The following PLD3 variants were observed in gnomAD, a reference collection of about 807,000 sequenced individuals.
PLD3 encodes the protein 5'-3' exonuclease PLD3.
In PLD3, 31 loss-of-function variants were observed where a neutral mutation model predicts 58.4. That is an observed-to-expected ratio of 0.53 (90% confidence interval 0.40 to 0.72). The LOEUF is 0.72. Among genes scored for constraint, PLD3 ranks in the 30% least tolerant of loss-of-function variants. The pLI is 0.00. For missense variants in PLD3, 595 were observed against 659.8 expected (o/e 0.90, Z 1.08); for synonymous variants, 264 against 273.4 (o/e 0.97, Z 0.34).
chr19:40,368,389 T>C (rs1395625261), intron 6 of PLD3, among the ~76,000 whole-genome samples: 1 of 152,212 alleles, frequency 6.6e-6, no homozygotes, highest in Non-Finnish European at 1.5e-5. Flanking sequence ...AGTCAGCCTT[T>C]GTGAGTCTGC....
At chr19:40,353,797 C>T (rs1394006859) in intron 1 of PLD3, among the ~76,000 whole-genome samples, 1 of 152,102 alleles carries the variant, frequency 6.6e-6, no homozygotes, top group Non-Finnish European at 1.5e-5. Context: ...CCAGGATGGT[C>T]TCAATCTCCT....
At chr19:40,377,667 G>A in intron 11 of PLD3, 119 bp from the exon 12 acceptor site, 1 of 730,632 alleles carries the variant, frequency 1.4e-6, no homozygotes, top group Non-Finnish European at 2.4e-6. Flanking sequence ...GGCCCCCGAG[G>A]ATTCTGTGGG....
chr19:40,363,131 TACTTCAGATCTCCATGCCCC>T (rs1314656082), intron 1 of PLD3, among the ~76,000 whole-genome samples: 2 of 152,208 alleles, frequency 1.3e-5, no homozygotes, highest in African/African-American at 4.8e-5. Context: ...CCAGCCCTGT[TACTTCAGATCTCCATGCCCC>T]ACCTTGCCTT....
chr19:40,378,125 C>G lies in PLD3; in HGVS notation c.1425C>G (p.Asp475Glu). The G allele has an allele frequency of 8.1e-6, 13 of 1,613,716 alleles. No homozygotes were observed. The highest frequency in any genetic ancestry group is 9.3e-6 in the Non-Finnish European group (11 of 1,179,772). The stretch of plus-strand genomic sequence containing the variant: ...ACTGGGACTCCCCTTACAGCCATGA[C>G]CTTGACACCTCAGCTGACAGCGTGG... The part of the protein sequence containing the change: ...LRDWDSPYSH[D>E]LDTSADSVGN... Residue 475 changes from aspartate to glutamate, a missense_variant, in exon 13 of 13, where the codon GAC (aspartate) becomes GAG (glutamate). Physicochemically the swap from Asp to Glu is conservative, Grantham distance 45. Coordinates refer to ENST00000409735, the MANE Select transcript of PLD3 (RefSeq NM_012268.4).
intron 1 of PLD3, chr19:40,360,490 T>G (rs2078753297): frequency 6.7e-6 from 1 of 150,158 alleles, no homozygotes; most frequent in Admixed American, 6.7e-5. Context: ...CTCCTGCCTG[T>G]AATCCCAGCA....
intron 11 of PLD3, among the ~76,000 whole-genome samples, chr19:40,377,055 T>G (rs1364310548): frequency 7.8e-4 from 65 of 82,902 alleles, no homozygotes; most frequent in Middle Eastern, 8.9e-3. Flanking sequence ...GGGCTGGGAT[T>G]GGGAGCACAG....
At chr19:40,374,405 G>A (rs1392358163) in intron 9 of PLD3, 76 bp from the exon 10 acceptor site, 4 of 1,521,900 alleles carry the variant, frequency 2.6e-6, no homozygotes, top group African/African-American at 1.4e-5. Context: ...GGCTTGTGGT[G>A]AGCTGTCCGT....
intron 1 of PLD3, among the ~76,000 whole-genome samples, chr19:40,352,750 C>T (rs1438719800): frequency 1.3e-5 from 2 of 151,896 alleles, no homozygotes; most frequent in Admixed American, 1.3e-4. Context: ...ATCACTTGAG[C>T]CCAGCAGTTC....
intron 1 of PLD3, chr19:40,357,444 T>C (rs2078680552): frequency 1.3e-5 from 2 of 152,144 alleles, no homozygotes; most frequent in East Asian, 1.9e-4. Flanking sequence ...ATGTTTCCTG[T>C]ATGTAGGCTT....
intron 1 of PLD3, among the ~76,000 whole-genome samples, chr19:40,351,662 T>G (rs1438541754): frequency 6.6e-6 from 1 of 151,904 alleles, no homozygotes; most frequent in Non-Finnish European, 1.5e-5. Context: ...ATTTAAGGAA[T>G]AGCAAGGAGG....
At chr19:40,375,320 G>A (rs2079167281) in intron 10 of PLD3, among the ~76,000 whole-genome samples, 1 of 151,542 alleles carries the variant, frequency 6.6e-6, no homozygotes. Flanking sequence ...TTGGGTTTAG[G>A]GTAGCAAGCT....
chr19:40,358,478 C>G (rs1205692485), intron 1 of PLD3: 2 of 152,266 alleles, frequency 1.3e-5, no homozygotes, highest in Non-Finnish European at 2.9e-5. Flanking sequence ...TCTCGAACTC[C>G]TGACCTCAGG....
At chr19:40,360,836 C>A (rs1372777893) in intron 1 of PLD3, among the ~76,000 whole-genome samples, 1 of 152,128 alleles carries the variant, frequency 6.6e-6, no homozygotes, top group Non-Finnish European at 1.5e-5. Context: ...TAGGGCCCAT[C>A]CAGTTAGTCC....
At chr19:40,359,334 C>T in intron 1 of PLD3, 1 of 151,592 alleles carries the variant, frequency 6.6e-6, no homozygotes, top group Non-Finnish European at 1.5e-5. Context: ...CAGGTGTGAG[C>T]CACTGCGCCC....
intron 1 of PLD3, among the ~76,000 whole-genome samples, chr19:40,353,610 G>C (rs1049368384): frequency 6.6e-6 from 1 of 151,504 alleles, no homozygotes; most frequent in Non-Finnish European, 1.5e-5. Flanking sequence ...ATGGAGTCTT[G>C]CTCTGTCACC....
intron 1 of PLD3, among the ~76,000 whole-genome samples, chr19:40,353,736 G>A (rs1055675667): frequency 1.2e-4 from 18 of 151,072 alleles, no homozygotes; most frequent in African/African-American, 4.4e-4. Flanking sequence ...CCGCCACCAC[G>A]CCTGGCTAAT....
chr19:40,373,991 C>CAAAAA (rs750537190), intron 9 of PLD3, among the ~76,000 whole-genome samples: 1 of 43,538 alleles, frequency 2.3e-5, no homozygotes, highest in Non-Finnish European at 4.7e-5. Flanking sequence ...GACTCCATCT[C>CAAAAA]AAAAAAAAAA....
At chr19:40,351,919 ATCT>A (rs1158510568) in intron 1 of PLD3, among the ~76,000 whole-genome samples, 5 of 152,184 alleles carry the variant, frequency 3.3e-5, no homozygotes, top group African/African-American at 4.8e-5. Context: ...GAGAGCCAGA[ATCT>A]TCTTCAGTCC....
In PLD3 at chr19:40,377,827, C is replaced by A; in HGVS notation, c.1227C>A (p.Ile409=). 6.2e-7 allele frequency: 1 copy of A among 1,614,002 alleles called. No homozygotes were observed. Among genetic ancestry groups the A allele is most frequent in the Non-Finnish European group, 8.5e-7 (1 of 1,179,906 alleles). The change falls in exon 12 of 13, where the codon ATC becomes ATA. Residue 409 remains isoleucine, a synonymous_variant. Transcript: ENST00000409735. ...VVPADEAQAR[I]PYARVNHNKY... ...CCGCGGATGAGGCCCAGGCTCGAAT[C>A]CCATATGCCCGTGTCAACCACAACA...
Sources: allele counts gnomAD v4.1 joint callset (sites outside exome capture counted in the v4.1 genomes callset), GRCh38; gene constraint gnomAD v4.1.1; transcripts MANE v1.5; gene names NCBI Gene and HGNC (gene_info 2026-07-23, HGNC 2026-07-21).